Variants in SYNPO observed in about 807,000 individuals in gnomAD.
SYNPO encodes the protein synaptopodin.
Under a neutral mutation model 49.5 loss-of-function variants are expected in SYNPO, and 19 were observed. That is an observed-to-expected ratio of 0.38 (90% CI 0.27 to 0.56). The LOEUF is 0.56. SYNPO is among the 20% of genes least tolerant of loss of function. The probability of loss-of-function intolerance (pLI) is 0.68; values close to 1 mark genes in which losing one functional copy is unlikely to be tolerated. For synonymous variants in SYNPO, 536 were observed against 548.0 expected (o/e 0.98, Z 0.31); for missense variants, 1,131 against 1,248.3 (o/e 0.91, Z 1.42).
Position 150,618,351 on chromosome 5 carries a change from T to TGAG in SYNPO, c.-14_-12dup, listed in dbSNP as rs1170751900. On this transcript the variant is annotated 5_prime_UTR_variant, in exon 2 of 3. Transcript: ENST00000394243. ...CCAGGAGCCTGCTTCCCTGCATCGC[T>TGAG]GAGGAAGAACAGCACCATGCTGGGT... The TGAG allele has an allele frequency of 3.9e-6, 6 of 1,541,308 alleles. No homozygotes were observed. In the African/African-American group the frequency reaches 8.3e-5, roughly 21 times the overall value.
At chr5:150,615,344 C>G (rs1269872314) in intron 1 of SYNPO, 2 of 152,230 alleles carry the variant, frequency 1.3e-5, no homozygotes, top group Admixed American at 6.5e-5. Context: ...TCCTGGAAAC[C>G]GTGGCCACCG....
chr5:150,609,790 G>GT lies in SYNPO; in HGVS notation c.-265-8313_-265-8312insT, dbSNP rs1554107088. On this transcript the variant is annotated intron_variant, in intron 1 of 2. Coordinates refer to the SYNPO transcript ENST00000394243. ...GAGGGGGCACTGTGAATGTGGCGGG[G>GT]GGGGGCAGTGTGGAGCAGTCTCAGA... Among the ~76,000 whole-genome samples the GT allele has an allele frequency of 3.0e-4, 46 of 151,754 alleles. 1 individual carries two copies. The highest frequency in any genetic ancestry group is 1.1e-3 in the African/African-American group (44 of 41,424).
At chr5:150,628,066 G>GTGTGTGTGTGTGTGTGTGT (rs1561643374) in intron 2 of SYNPO, among the ~76,000 whole-genome samples, 4 of 150,298 alleles carry the variant, frequency 2.7e-5, no homozygotes, top group African/African-American at 9.8e-5. Flanking sequence ...GTGTGTGTGT[G>GTGTGTGTGTGTGTGTGTGT]GTCAGAGTCT....
At chr5:150,591,780 C>T in the SYNPO span, among the ~76,000 whole-genome samples, 1 of 152,216 alleles carries the variant, frequency 6.6e-6, no homozygotes, top group South Asian at 2.1e-4. Flanking sequence ...GACTTGTTCT[C>T]TCTCTCTCTG....
At position 150,658,122 on chromosome 5, in the gene SYNPO, A is replaced by T. The variant is rs1269880599; in HGVS notation, c.*1035A>T. ...AGCATGGCCAGGATGCATAGAGGAG[A>T]TTCTAGCAGGGGACAGGATTGGCTC... On this transcript the variant is annotated 3_prime_UTR_variant, in exon 3 of 3. Transcript: ENST00000307662. 6.6e-6 allele frequency: 1 copy of T among 152,174 alleles called. No individual in the cohort carries two copies. The allele number at this position is 152,174 out of a possible 1,614,324, so 9.4% of individuals were successfully genotyped here.
In SYNPO at chr5:150,650,109, G is replaced by A; in HGVS notation, c.1834G>A (p.Ala612Thr). 6.2e-7 allele frequency: 1 copy of A among 1,613,626 alleles called. No homozygotes were observed. The part of the protein sequence containing the change: ...LPKGALPPSP[A>T]LPRPSRSSPG... ...CAAGGGGGCTCTCCCTCCATCTCCT[G>A]CCCTGCCTCGGCCCTCGCGCTCCTC... Residue 612 changes from alanine (A) to threonine (T), a missense_variant, in exon 2 of 3, where the codon GCC (alanine) becomes ACC (threonine). Ala to Thr is a moderately conservative substitution (Grantham distance 58). This residue lies in a region of SYNPO where 509 missense variants were observed against 484.5 expected (regional missense o/e 1.05). Transcript: ENST00000307662.
At chr5:150,651,118 G>A in intron 2 of SYNPO, 1 of 1,080,514 alleles carries the variant, frequency 9.3e-7, no homozygotes, top group Non-Finnish European at 1.1e-6. Flanking sequence ...GGATCCCCAG[G>A]AGAAGGAGAG....
At chr5:150,650,372 TC>T in intron 2 of SYNPO, 69 bp downstream of exon 2, 3 of 1,595,520 alleles carry the variant, frequency 1.9e-6, no homozygotes, top group Non-Finnish European at 2.6e-6. Context: ...CAAGTTCCCC[TC>T]CTTGAGGGCC....
chr5:150,654,531 A>T (rs1758494119), intron 2 of SYNPO, among the ~76,000 whole-genome samples: 1 of 152,212 alleles, frequency 6.6e-6, no homozygotes, highest in South Asian at 2.1e-4. Flanking sequence ...AAGTTTGTAG[A>T]CTGAAAGTCC....
the SYNPO span, among the ~76,000 whole-genome samples, chr5:150,592,523 C>T: frequency 1.1e-4 from 17 of 152,084 alleles, no homozygotes; most frequent in Admixed American, 4.6e-4. Flanking sequence ...CAACAAAACA[C>T]GCTAGTGTGG....
At chr5:150,620,625 C>T (rs1437481229) in intron 2 of SYNPO, among the ~76,000 whole-genome samples, 1 of 152,136 alleles carries the variant, frequency 6.6e-6, no homozygotes, top group African/African-American at 2.4e-5. Context: ...TGGAAGAGCC[C>T]ATGGATGGAG....
chr5:150,650,773 G>T (rs956899953), intron 2 of SYNPO: 2 of 1,277,896 alleles, frequency 1.6e-6, no homozygotes, highest in East Asian at 6.0e-5. Flanking sequence ...TGCCTCCTCA[G>T]CTGCCCCAGG....
chr5:150,650,569 G>A (rs995713452), intron 2 of SYNPO: 7 of 1,455,036 alleles, frequency 4.8e-6, no homozygotes, highest in East Asian at 2.5e-5. Context: ...TGAGCGGGGA[G>A]GAGGGTCATG....
intron 1 of SYNPO, among the ~76,000 whole-genome samples, chr5:150,610,780 G>T (rs1756824968): frequency 6.6e-6 from 1 of 151,936 alleles, no homozygotes; most frequent in Non-Finnish European, 1.5e-5. Context: ...ACTTGGAAAA[G>T]AATGTTCCAA....
intron 2 of SYNPO, among the ~76,000 whole-genome samples, chr5:150,629,008 TTTTG>T (rs1757452924): frequency 6.6e-6 from 1 of 152,146 alleles, no homozygotes; most frequent in African/African-American, 2.4e-5. Context: ...GAACAGGTTT[TTTTG>T]TTTGTTTGGT....
upstream of SYNPO, among the ~76,000 whole-genome samples, chr5:150,599,815 T>A (rs890261732): frequency 6.6e-6 from 1 of 152,190 alleles, no homozygotes; most frequent in African/African-American, 2.4e-5. Context: ...GCATTTATCA[T>A]GGGCACTTAG....
intron 2 of SYNPO, among the ~76,000 whole-genome samples, chr5:150,620,048 G>A (rs1437838562): frequency 1.3e-5 from 2 of 151,968 alleles, no homozygotes; most frequent in Non-Finnish European, 2.9e-5. Context: ...TCCCTCTCAC[G>A]GGCCCAGGCT....
chr5:150,622,993 CTCAGACACACA>C (rs1457788495), intron 2 of SYNPO, among the ~76,000 whole-genome samples: 1 of 152,230 alleles, frequency 6.6e-6, no homozygotes, highest in Non-Finnish European at 1.5e-5. Context: ...CATGGAGGCC[CTCAGACACACA>C]TCCATGCATG....
upstream of SYNPO, among the ~76,000 whole-genome samples, chr5:150,597,225 C>T (rs1756441438): frequency 6.6e-6 from 1 of 152,204 alleles, no homozygotes; most frequent in African/African-American, 2.4e-5. Flanking sequence ...GTGTCCCATC[C>T]CTCACCATCA....
Sources: gnomAD v4.1 joint callset for allele counts (sites outside exome capture counted in the v4.1 genomes callset) on GRCh38, gnomAD v4.1.1 for gene constraint, gnomAD v4.1.1 regional missense constraint, MANE v1.5 for transcripts, NCBI Gene and HGNC (gene_info 2026-07-23, HGNC 2026-07-21) for gene names.